PRKAG2: variants seen among roughly 807,000 people sequenced by gnomAD.
PRKAG2 encodes 5'-AMP-activated protein kinase subunit gamma-2.
A neutral mutation model predicts 69.6 loss-of-function variants in PRKAG2; 26 were observed. The observed-to-expected ratio is 0.37, with a 90% CI of 0.27 to 0.52. The LOEUF (loss-of-function observed/expected upper bound fraction) is 0.52, where lower values mean the gene tolerates loss of function less well. Ranked by LOEUF, PRKAG2 falls within the 20% of genes least tolerant of loss-of-function variation. The pLI, the probability that PRKAG2 is intolerant of heterozygous loss-of-function variation, is 0.90. For missense variants in PRKAG2, 557 were observed against 740.0 expected (o/e 0.75, Z 2.87); for synonymous variants, 293 against 285.0 (o/e 1.03, Z -0.28).
intron 4 of PRKAG2, among the ~76,000 whole-genome samples, chr7:151,662,383 C>T (rs1348361334): frequency 6.6e-6 from 1 of 152,182 alleles, no homozygotes; most frequent in African/African-American, 2.4e-5. Context: ...ACACTGTCAT[C>T]CTTCCTTTCA....
rs183443953 is a variant in PRKAG2 at position 151,829,837 on chromosome 7, C to T, written c.115-43296G>A. On this transcript the variant is annotated intron_variant, in intron 1 of 15. Coordinates refer to ENST00000287878, the MANE Select transcript of PRKAG2 (RefSeq NM_016203.4). Reference sequence around the variant, plus strand: ...GGAGGGCATAAGAGGACGGGGTTGACGGGGGGAAGCCAGGCAGGAGAGTCC... The same window carrying T: ...GGAGGGCATAAGAGGACGGGGTTGATGGGGGGAAGCCAGGCAGGAGAGTCC... Among the ~76,000 whole-genome samples, 785 of 151,514 alleles carry T rather than the reference C, an allele frequency of 5.2e-3. 17 individuals are homozygous for T. The highest frequency in any genetic ancestry group is 9.1e-3 in the Non-Finnish European group (615 of 67,758).
chr7:151,574,714 G>A (rs1310393028), intron 8 of PRKAG2, among the ~76,000 whole-genome samples, 177 bp downstream of exon 8: 1 of 152,114 alleles, frequency 6.6e-6, no homozygotes, highest in South Asian at 2.1e-4. Context: ...ACAGTAAAGA[G>A]AGTTTTGTAC....
At chr7:151,608,550 T>C (rs1818045031) in intron 5 of PRKAG2, among the ~76,000 whole-genome samples, 1 of 152,130 alleles carries the variant, frequency 6.6e-6, no homozygotes, top group Non-Finnish European at 1.5e-5. Context: ...ATTGTAGATA[T>C]CAGGCATGAG....
At chr7:151,811,526 G>A (rs117474360) in intron 1 of PRKAG2, among the ~76,000 whole-genome samples, 1 of 152,188 alleles carries the variant, frequency 6.6e-6, no homozygotes, top group Admixed American at 6.5e-5. Context: ...CTAGAGCTTT[G>A]CCATCTCACA....
rs577406470 is a variant in PRKAG2 at position 151,687,845 on chromosome 7, G to A, written c.467-12208C>T. On this transcript the variant is annotated intron_variant, in intron 3 of 15. Transcript: ENST00000287878. The stretch of plus-strand genomic sequence containing the variant: ...GGGCGACAGGAAAAAGCACACGGTC[G>A]CACCAGGCGAGGTGGGTGCCTCAGG... Among the ~76,000 whole-genome samples the A allele has an allele frequency of 1.1e-4, 17 of 152,344 alleles. No individual in the cohort carries two copies. The South Asian group carries it at 2.5e-3, about 22-fold the overall frequency.
intron 4 of PRKAG2, among the ~76,000 whole-genome samples, chr7:151,643,067 A>C (rs1827007178): frequency 6.6e-6 from 1 of 152,244 alleles, no homozygotes. Flanking sequence ...TTCATTCGTT[A>C]CAGTCTGAAA....
chr7:151,629,590 A>C (rs1823885470), intron 5 of PRKAG2, among the ~76,000 whole-genome samples: 1 of 152,234 alleles, frequency 6.6e-6, no homozygotes, highest in Non-Finnish European at 1.5e-5. Context: ...CGACCCAACT[A>C]GGCAGGGTAG....
chr7:151,564,968 A>G (rs1287778105), intron 13 of PRKAG2, among the ~76,000 whole-genome samples: 1 of 152,176 alleles, frequency 6.6e-6, no homozygotes, highest in Non-Finnish European at 1.5e-5. Flanking sequence ...CCAATCACTA[A>G]GCAATGGGAT....
At position 151,781,370 on chromosome 7, in the gene PRKAG2, G is replaced by A. The variant is rs757900380; in HGVS notation, c.248C>T (p.Pro83Leu). ...TGCAGACATGGGGCTGGAGGGCCGG[G>A]GCTGGGGGCCTCTGGAGAAGAACCC... ...SKGFFSRGPQPRPSSPMSAPV... is the reference protein window; with the variant it reads ...SKGFFSRGPQLRPSSPMSAPV... Residue 83 changes from proline to leucine, a missense_variant, in exon 3 of 16, where the codon CCC becomes CTC. Coordinates refer to ENST00000287878, the MANE Select transcript of PRKAG2 (RefSeq NM_016203.4). The surrounding 1 kb of genome is among the most constrained non-coding windows in gnomAD (Gnocchi z 6.1). 7.9e-5 allele frequency: 128 copies of A among 1,613,148 alleles called. No individual in the cohort carries two copies. In the South Asian group the frequency reaches 1.4e-3, roughly 17 times the overall value.
At chr7:151,774,524 C>T (rs1246882825) in intron 3 of PRKAG2, among the ~76,000 whole-genome samples, 1 of 152,108 alleles carries the variant, frequency 6.6e-6, no homozygotes, top group East Asian at 1.9e-4. Context: ...CAGTGTTTAT[C>T]GGCCAGGCAC....
At chr7:151,875,566 TGTGTGTGTGTGTGTGTGTGTG>T (rs2080371682) in intron 1 of PRKAG2, among the ~76,000 whole-genome samples, 1 of 36,850 alleles carries the variant, frequency 2.7e-5, no homozygotes, top group African/African-American at 9.9e-5. Context: ...CACTCTGGTG[TGTGTGTGTGTGTGTGTGTGTG>T]TGTGTGTGTG....
chr7:151,844,382 C>A (rs974875659), intron 1 of PRKAG2, among the ~76,000 whole-genome samples: 5 of 152,120 alleles, frequency 3.3e-5, no homozygotes, highest in African/African-American at 1.2e-4. Context: ...GAGCGGCTTC[C>A]TCAAAGAGGC....
chr7:151,656,576 C>T (rs1023869637), intron 4 of PRKAG2, among the ~76,000 whole-genome samples: 1 of 152,144 alleles, frequency 6.6e-6, no homozygotes, highest in African/African-American at 2.4e-5. Context: ...CAACAACAAA[C>T]CCCAGGATTT....
intron 1 of PRKAG2, among the ~76,000 whole-genome samples, chr7:151,873,770 T>C (rs1264434906): frequency 6.6e-6 from 1 of 152,122 alleles, no homozygotes; most frequent in Non-Finnish European, 1.5e-5. Flanking sequence ...TCACAGTCCT[T>C]TTTCTGGTTC....
intron 1 of PRKAG2, among the ~76,000 whole-genome samples, chr7:151,832,242 GGGAAGGAAGGGA>G (rs2079046111): frequency 4.3e-5 from 1 of 23,402 alleles, no homozygotes; most frequent in Admixed American, 4.7e-4. Context: ...GAGAGGAGGA[GGGAAGGAAGGGA>G]GGAGGGAAGG....
intron 1 of PRKAG2, among the ~76,000 whole-genome samples, chr7:151,795,887 A>ATC (rs1483829962): frequency 4.6e-4 from 49 of 107,506 alleles, no homozygotes; most frequent in South Asian, 2.5e-3. Flanking sequence ...ATATATATAT[A>ATC]TATCACGATA....
chr7:151,602,079 G>A (rs1388723728), intron 5 of PRKAG2, among the ~76,000 whole-genome samples: 1 of 152,268 alleles, frequency 6.6e-6, no homozygotes, highest in Non-Finnish European at 1.5e-5. Flanking sequence ...GAGAGATCTG[G>A]TCCGTGTCCG....
chr7:151,769,827 C>A (rs2075931302), intron 3 of PRKAG2, among the ~76,000 whole-genome samples: 1 of 152,162 alleles, frequency 6.6e-6, no homozygotes, highest in Non-Finnish European at 1.5e-5. Flanking sequence ...GGGTGCACCC[C>A]CACCCCATAG....
chr7:151,721,160 G>A (rs1167372706), intron 3 of PRKAG2, among the ~76,000 whole-genome samples: 1 of 151,946 alleles, frequency 6.6e-6, no homozygotes, highest in African/African-American at 2.4e-5. Context: ...ACCTACCCAG[G>A]CATGGGAGCC....
Sources: gnomAD v4.1 joint callset for allele counts (sites outside exome capture counted in the v4.1 genomes callset) on GRCh38, gnomAD v4.1.1 for gene constraint, Gnocchi (gnomAD v3.1) non-coding constraint, MANE v1.5 for transcripts, NCBI Gene and HGNC (gene_info 2026-07-23, HGNC 2026-07-21) for gene names.